The following AXIN1 variants were observed in gnomAD, a reference collection of about 807,000 sequenced individuals.
The protein encoded by AXIN1 is axin-1.
Under a neutral mutation model 76.4 loss-of-function variants are expected in AXIN1, and 30 were observed. That is an observed-to-expected ratio of 0.39 (90% CI 0.29 to 0.53). AXIN1 has a LOEUF of 0.53. Ranked by LOEUF, AXIN1 falls within the 20% of genes least tolerant of loss-of-function variation. The probability of loss-of-function intolerance (pLI) is 0.66; values close to 1 mark genes in which losing one functional copy is unlikely to be tolerated. For synonymous variants in AXIN1, 545 were observed against 501.4 expected (o/e 1.09, Z -1.16); for missense variants, 1,140 against 1,198.8 (o/e 0.95, Z 0.72).
In AXIN1 at chr16:298,246, C is replaced by T. The variant is rs2052773614; in HGVS notation, c.1260G>A (p.Glu420=). The change falls in exon 6 of 11, where the codon GAG becomes GAA. Residue 420 remains glutamate (E), a synonymous_variant. Coordinates refer to ENST00000262320, the MANE Select transcript of AXIN1 (RefSeq NM_003502.4). ...ACGATGGATCGCCGTCCTCACCTTCCTCCTCCTGTGTGGGGACAAGCAGCA... is the reference window on the plus strand; with the variant it reads ...ACGATGGATCGCCGTCCTCACCTTCTTCCTCCTGTGTGGGGACAAGCAGCA... The part of the protein sequence containing the change: ...EERLKRVRME[E]EGEDGDPSSG... 1.9e-6 allele frequency: 3 copies of T among 1,538,952 alleles called. No homozygotes were observed. The highest frequency in any genetic ancestry group is 1.7e-6 in the Non-Finnish European group (2 of 1,146,824).
intron 8 of AXIN1, chr16:291,532 T>C (rs532499724): frequency 9.1e-5 from 53 of 583,366 alleles, no homozygotes; most frequent in South Asian, 4.7e-4. Context: ...ACCAACCCCC[T>C]GAGTTCCCTG....
intron 2 of AXIN1, among the ~76,000 whole-genome samples, chr16:320,173 G>C (rs1255961392): frequency 6.6e-6 from 1 of 152,064 alleles, no homozygotes; most frequent in Non-Finnish European, 1.5e-5. Context: ...TAGCTTCCCA[G>C]GTAGGTGGGA....
intron 2 of AXIN1, among the ~76,000 whole-genome samples, chr16:325,099 C>A (rs536108452): frequency 1.5e-4 from 23 of 151,402 alleles, no homozygotes; most frequent in Non-Finnish European, 2.8e-4. Flanking sequence ...ACCATGGCCT[C>A]AGCCCCGCGG....
chr16:313,369 G>A (rs1174134885), intron 3 of AXIN1, among the ~76,000 whole-genome samples: 1 of 152,222 alleles, frequency 6.6e-6, no homozygotes, highest in Non-Finnish European at 1.5e-5. Context: ...ATAAAAAGAT[G>A]GGCAGAATCA....
intron 7 of AXIN1, among the ~76,000 whole-genome samples, chr16:295,455 G>A (rs149348157): frequency 4.1e-4 from 62 of 151,920 alleles, no homozygotes; most frequent in African/African-American, 1.2e-3. Flanking sequence ...CCTAGAGGCC[G>A]GCGGATAGCT....
intron 2 of AXIN1, among the ~76,000 whole-genome samples, chr16:325,812 C>T (rs570234136): frequency 6.6e-6 from 1 of 152,202 alleles, no homozygotes; most frequent in Non-Finnish European, 1.5e-5. Flanking sequence ...CACCAAGAAA[C>T]GACCAAAGCA....
At chr16:299,810 C>T (rs548237508) in intron 5 of AXIN1, among the ~76,000 whole-genome samples, 129 of 152,082 alleles carry the variant, frequency 8.5e-4, no homozygotes, top group African/African-American at 3.0e-3. Context: ...TGCCCGCCAC[C>T]ACGCCCGGCT....
rs942623028 is a variant in AXIN1, at chr16:352,527, G to A, written c.-240C>T. ...GGCTGCGGCTCGGCGGCCCGGAGGC[G>A]GACGCGGGGCAGGCCGCGGGGGCGC... On this transcript the variant is annotated 5_prime_UTR_variant, in exon 1 of 11. Transcript: ENST00000262320. 1 of 639,274 alleles carries A rather than the reference G, an allele frequency of 1.6e-6. No individual in the cohort carries two copies. The highest frequency in any genetic ancestry group is 6.7e-5 in the South Asian group (1 of 14,816). The allele number at this position is 639,274 out of a possible 1,614,324, so 39.6% of individuals were successfully genotyped here. A position where few individuals can be genotyped will look rare whatever the true frequency, so the allele number is the denominator to read the frequency against.
chr16:313,916 G>A (rs1435986325), intron 3 of AXIN1, among the ~76,000 whole-genome samples: 3 of 152,218 alleles, frequency 2.0e-5, no homozygotes, highest in East Asian at 1.9e-4. Flanking sequence ...CCAGGCCTCA[G>A]CACAACCACA....
At chr16:344,417 A>T (rs1363016197) in intron 2 of AXIN1, among the ~76,000 whole-genome samples, 3 of 139,494 alleles carry the variant, frequency 2.2e-5, no homozygotes, top group Non-Finnish European at 4.8e-5. Flanking sequence ...GCGATAGAGC[A>T]AGACTCCATC....
intron 2 of AXIN1, among the ~76,000 whole-genome samples, chr16:315,190 T>G (rs1215336873): frequency 6.6e-6 from 1 of 152,208 alleles, no homozygotes; most frequent in East Asian, 1.9e-4. Context: ...TCCCCCTACC[T>G]AGAGCAGAGG....
intron 1 of AXIN1, among the ~76,000 whole-genome samples, chr16:348,894 C>T (rs1170729565): frequency 6.6e-6 from 1 of 151,652 alleles, no homozygotes; most frequent in South Asian, 2.1e-4. Context: ...GTCAAGAGAT[C>T]GAGACCATCC....
intron 2 of AXIN1, among the ~76,000 whole-genome samples, chr16:317,624 G>A (rs1597054379): frequency 6.6e-6 from 1 of 152,204 alleles, no homozygotes; most frequent in Non-Finnish European, 1.5e-5. Flanking sequence ...ACCGACCACC[G>A]GTGGCTGGGC....
chr16:294,575 T>A (rs138454570), intron 7 of AXIN1, among the ~76,000 whole-genome samples: 2 of 148,658 alleles, frequency 1.3e-5, no homozygotes, highest in Non-Finnish European at 3.0e-5. Context: ...GCCAACATGG[T>A]GAAACCCTGT....
At position 289,603 on chromosome 16, in the gene AXIN1, T is replaced by G. The variant is rs1327242506; in HGVS notation, c.2299A>C (p.Arg767=). 1 of 1,612,726 alleles carries G rather than the reference T, an allele frequency of 6.2e-7. No homozygotes were observed. ...SDMELSETET[R]SQRKVGGGSA... Reference sequence around the variant, plus strand: ...CCGCCGCCCACCTTCCTCTGCGATCTTGTCCTGGGGAAAGAGATGCAGCGG... The same window carrying G: ...CCGCCGCCCACCTTCCTCTGCGATCGTGTCCTGGGGAAAGAGATGCAGCGG... Residue 767 remains arginine (R), a synonymous_variant, in exon 10 of 11, where the codon AGA becomes CGA. Coordinates refer to ENST00000262320, the MANE Select transcript of AXIN1 (RefSeq NM_003502.4).
intron 5 of AXIN1, 136 bp from the exon 6 acceptor site, chr16:298,387 G>A (rs902448459): frequency 1.5e-5 from 16 of 1,079,698 alleles, no homozygotes; most frequent in Admixed American, 4.0e-5. Context: ...CCTCGCCACC[G>A]GTCCTGTCCC....
chr16:335,289 G>A (rs368779736), intron 2 of AXIN1, among the ~76,000 whole-genome samples: 3 of 151,976 alleles, frequency 2.0e-5, no homozygotes, highest in Non-Finnish European at 4.4e-5. Flanking sequence ...CTCTACTTAC[G>A]TCACCCTCAG....
chr16:291,361 C>T (rs1192032149), intron 8 of AXIN1, 64 bp from the exon 9 acceptor site: 10 of 1,356,046 alleles, frequency 7.4e-6, no homozygotes, highest in South Asian at 1.2e-5. Flanking sequence ...GAGGGAGCCT[C>T]GACCAATGCT....
intron 2 of AXIN1, among the ~76,000 whole-genome samples, chr16:327,568 G>A (rs570987149): frequency 6.6e-6 from 1 of 152,344 alleles, no homozygotes; most frequent in Non-Finnish European, 1.5e-5. Context: ...AAACAGTGAC[G>A]ATAGGGAGGG....
Sources: allele counts gnomAD v4.1 joint callset (sites outside exome capture counted in the v4.1 genomes callset), GRCh38; gene constraint gnomAD v4.1.1; transcripts MANE v1.5; gene names NCBI Gene and HGNC (gene_info 2026-07-23, HGNC 2026-07-21).